Variants in PRKCH observed in about 807,000 individuals in gnomAD.
PRKCH encodes the protein protein kinase C eta type.
PRKCH carries 28 observed loss-of-function variants against 82.5 expected under a neutral mutation model. The observed-to-expected ratio is 0.34, with a 90% CI of 0.25 to 0.47. The LOEUF (loss-of-function observed/expected upper bound fraction) is 0.47. PRKCH is among the 20% of genes least tolerant of loss of function. The pLI is 1.00. For missense variants in PRKCH, 705 were observed against 881.8 expected, an observed-to-expected ratio of 0.80 and a Z score of 2.54; for synonymous variants, 322 against 327.4, an observed-to-expected ratio of 0.98 and a Z score of 0.18.
intron 3 of PRKCH, among the ~76,000 whole-genome samples, chr14:61,444,136 A>G (rs543116349): frequency 4.4e-4 from 67 of 152,356 alleles, no homozygotes; most frequent in African/African-American, 1.6e-3. Flanking sequence ...TTCAACAGTC[A>G]GAACCTAGGG....
intron 12 of PRKCH, chr14:61,537,598 A>C (rs1383645825): frequency 6.6e-6 from 1 of 152,198 alleles, no homozygotes; most frequent in African/African-American, 2.4e-5. Context: ...CTCAGAGGTT[A>C]GTGCTCCTTT....
At chr14:61,189,539 T>C (rs1009538418) in intron 1 of PRKCH, among the ~76,000 whole-genome samples, 3 of 151,818 alleles carry the variant, frequency 2.0e-5, no homozygotes, top group South Asian at 4.2e-4. Context: ...CTCTCTCTCT[T>C]GCTTCTGTTT....
chr14:61,343,017 T>A (rs990818005), intron 1 of PRKCH, among the ~76,000 whole-genome samples: 3 of 152,178 alleles, frequency 2.0e-5, no homozygotes, highest in Non-Finnish European at 4.4e-5. Flanking sequence ...ATGGATCCGA[T>A]ATTGTTCTGA....
chr14:61,536,665 C>T (rs541331714), intron 12 of PRKCH, among the ~76,000 whole-genome samples: 1 of 152,300 alleles, frequency 6.6e-6, no homozygotes, highest in East Asian at 1.9e-4. Context: ...CATAGAGTTA[C>T]AGATGTTAAA....
chr14:61,500,090 A>G (rs1169055402), intron 10 of PRKCH, among the ~76,000 whole-genome samples: 3 of 150,660 alleles, frequency 2.0e-5, no homozygotes, highest in Non-Finnish European at 4.4e-5. Flanking sequence ...ACTTGGATCA[A>G]TATCCGGTTG....
chr14:61,304,443 T>G (rs1326824822), intron 1 of PRKCH: 2 of 152,210 alleles, frequency 1.3e-5, no homozygotes, highest in Admixed American at 1.3e-4. Context: ...CCCCCAATTC[T>G]TCTATTAGTA....
chr14:61,248,206 G>T (rs1428394547), intron 1 of PRKCH, among the ~76,000 whole-genome samples: 1 of 152,034 alleles, frequency 6.6e-6, no homozygotes, highest in Non-Finnish European at 1.5e-5. Flanking sequence ...TCCTGTCCTG[G>T]TGGGTTGACC....
intron 1 of PRKCH, among the ~76,000 whole-genome samples, chr14:61,198,581 C>T (rs1566777525): frequency 6.6e-6 from 1 of 152,194 alleles, no homozygotes; most frequent in Non-Finnish European, 1.5e-5. Context: ...GATCTCCCCA[C>T]AGTTAGCGTG....
At chr14:61,379,445 C>CA (rs1368616873) in intron 1 of PRKCH, among the ~76,000 whole-genome samples, 1 of 152,220 alleles carries the variant, frequency 6.6e-6, no homozygotes, top group Non-Finnish European at 1.5e-5. Flanking sequence ...ATTAAGCAAA[C>CA]AAGTCTCTAA....
chr14:61,279,011 A>ACACACACACT (rs2045230548), intron 1 of PRKCH: 2 of 150,778 alleles, frequency 1.3e-5, no homozygotes, highest in Non-Finnish European at 3.0e-5. Context: ...ACACACACAC[A>ACACACACACT]CAATGACAAA....
At chr14:61,521,154 G>C (rs1222768861) in intron 10 of PRKCH, among the ~76,000 whole-genome samples, 2 of 152,134 alleles carry the variant, frequency 1.3e-5, no homozygotes, top group African/African-American at 2.4e-5. Context: ...AGAAAAGTTT[G>C]AAAGACTGAA....
chr14:61,358,434 G>A (rs1251696914), intron 1 of PRKCH, among the ~76,000 whole-genome samples: 2 of 152,110 alleles, frequency 1.3e-5, no homozygotes, highest in African/African-American at 4.8e-5. Flanking sequence ...ACCCAGTGTG[G>A]CTGATTTCTA....
intron 1 of PRKCH, among the ~76,000 whole-genome samples, chr14:61,301,238 A>G (rs1371677962): frequency 6.6e-6 from 1 of 152,226 alleles, no homozygotes; most frequent in African/African-American, 2.4e-5. Context: ...CAGAAAAATT[A>G]CACTGAAGAA....
chr14:61,357,318 G>A (rs2046163876), intron 1 of PRKCH, among the ~76,000 whole-genome samples: 1 of 152,164 alleles, frequency 6.6e-6, no homozygotes, highest in African/African-American at 2.4e-5. Flanking sequence ...CTTTGTATCT[G>A]ACTTTACTAA....
intron 12 of PRKCH, chr14:61,543,754 G>T (rs2043217350): frequency 6.6e-6 from 1 of 152,184 alleles, no homozygotes; most frequent in Non-Finnish European, 1.5e-5. Flanking sequence ...AGGGACATAA[G>T]CAAATAATGA....
intron 10 of PRKCH, among the ~76,000 whole-genome samples, chr14:61,508,213 A>G (rs1249030809): frequency 6.6e-6 from 1 of 152,182 alleles, no homozygotes; most frequent in African/African-American, 2.4e-5. Context: ...TAAAAAAACC[A>G]CAGCTCACAA....
chr14:61,328,141 T>G (rs1003497881), intron 1 of PRKCH, among the ~76,000 whole-genome samples: 1 of 150,768 alleles, frequency 6.6e-6, no homozygotes, highest in Non-Finnish European at 1.5e-5. Context: ...TCCCAGCTAC[T>G]CGGGAGGCTG....
At chr14:61,268,114 T>C (rs150516516) in intron 1 of PRKCH, among the ~76,000 whole-genome samples, 94 of 152,320 alleles carry the variant, frequency 6.2e-4, no homozygotes, top group African/African-American at 2.1e-3. Flanking sequence ...CACAATGCAG[T>C]GTTTTGCCCC....
At chr14:61,509,146 A>G (rs768218119) in intron 10 of PRKCH, among the ~76,000 whole-genome samples, 45 of 152,182 alleles carry the variant, frequency 3.0e-4, no homozygotes, top group Non-Finnish European at 4.3e-4. Flanking sequence ...TTCCCTCTCC[A>G]AGGTGCCAGA....
Sources: allele counts gnomAD v4.1 joint callset (sites outside exome capture counted in the v4.1 genomes callset), GRCh38; gene constraint gnomAD v4.1.1; transcripts MANE v1.5; gene names NCBI Gene and HGNC (gene_info 2026-07-23, HGNC 2026-07-21).